Variants in ZIC3 observed in about 807,000 individuals in gnomAD.
ZIC3 encodes the protein Zic family zinc finger 3.
Under a neutral mutation model 18.3 loss-of-function variants are expected in ZIC3, and 6 were observed. The observed-to-expected ratio is 0.33, with a 90% CI of 0.18 to 0.65. The LOEUF (loss-of-function observed/expected upper bound fraction) is 0.65, where lower values mean the gene tolerates loss of function less well. ZIC3 is among the 30% of genes least tolerant of loss of function. The pLI is 0.75. For synonymous variants in ZIC3, 175 were observed against 177.0 expected (o/e 0.99, Z 0.09); for missense variants, 260 against 410.0 (o/e 0.63, Z 3.16).
Position 137,567,108 on chromosome X carries a change from C to A in ZIC3, c.417C>A (p.Leu139=), listed in dbSNP as rs1931358270. Reference sequence around the variant, plus strand: ...CCTCGGGTGGCGGGCAGCACGGGCTCTTCGCCGGCTCGGCGAGCAGCCTGC... The same window carrying A: ...CCTCGGGTGGCGGGCAGCACGGGCTATTCGCCGGCTCGGCGAGCAGCCTGC... ...EAASGGGQHG[L]FAGSASSLHA... Residue 139 remains leucine (L), a synonymous_variant, in exon 1 of 3, where the codon CTC becomes CTA. Transcript: ENST00000287538. The A allele has an allele frequency of 8.3e-7, 1 of 1,202,874 alleles. No individual in the cohort carries two copies. Among genetic ancestry groups the A allele is most frequent in the African/African-American group, 1.7e-5 (1 of 57,502 alleles).
chrX:137,566,474 A>ACCCCCCCC lies in ZIC3; in HGVS notation c.-213_-212insCCCCCCCC. 1 of 78,974 alleles carries ACCCCCCCC rather than the reference A, an allele frequency of 1.3e-5. No homozygotes were observed. The highest frequency in any genetic ancestry group is 8.0e-5 in the African/African-American group (1 of 12,506). The allele number at this position is 78,974 out of a possible 1,213,427, so 6.5% of individuals were successfully genotyped here. ...CCTCCCTCCTCCTCCCCCCGCCAAC[A>ACCCCCCCC]CCCCCTCCCTGCTCTTTCTTCCCCT... On this transcript the variant is annotated 5_prime_UTR_variant, in exon 1 of 3. Coordinates refer to ENST00000287538, the MANE Select transcript of ZIC3 (RefSeq NM_003413.4).
At position 137,566,405 on chromosome X, in the gene ZIC3, G is replaced by C; in HGVS notation, c.-287G>C. ...TATTTTTCTTTGTGCGCGCCTGTTA[G>C]TTTGTTAAACCAGATCTAGTCCGAG... On this transcript the variant is annotated 5_prime_UTR_variant, in exon 1 of 3. Transcript: ENST00000287538. 2.4e-6 allele frequency: 1 copy of C among 412,471 alleles called. No individual in the cohort carries two copies. Among genetic ancestry groups the C allele is most frequent in the East Asian group, 4.0e-5 (1 of 25,183 alleles). The allele number at this position is 412,471 out of a possible 1,213,427, so 34.0% of individuals were successfully genotyped here.
At position 137,569,006 on chromosome X, in the gene ZIC3, A is replaced by G. The variant is rs1931398086; in HGVS notation, c.1165A>G (p.Ile389Val). ...MHVHTSDKPYICKVCDKSYTH... is the reference protein window; with the variant it reads ...MHVHTSDKPYVCKVCDKSYTH... ...TGTGCATACCTCGGACAAGCCCTAT[A>G]TCTGCAAAGTGTGCGACAAGTCCTA... Residue 389 changes from isoleucine (I) to valine (V), a missense_variant, in exon 2 of 3, where the codon ATC (isoleucine) becomes GTC (valine). Around this residue, in one of 4 missense-constraint regions of ZIC3, gnomAD observed 52 missense variants for 111.5 expected, o/e 0.47. Coordinates refer to ENST00000287538, the MANE Select transcript of ZIC3 (RefSeq NM_003413.4). 2 of 1,208,890 alleles carry G rather than the reference A, an allele frequency of 1.7e-6. No homozygotes were observed. Among genetic ancestry groups the G allele is most frequent in the East Asian group, 3.0e-5 (1 of 33,683 alleles).
downstream of ZIC3, among the ~76,000 whole-genome samples, chrX:137,572,839 TACAGG>T (rs1008763793): frequency 9.0e-6 from 1 of 111,574 alleles, no homozygotes. Context: ...CATAAAATTT[TACAGG>T]AAAGTACTTG....
chrX:137,572,775 C>G (rs1278954423), downstream of ZIC3, among the ~76,000 whole-genome samples: 2 of 110,573 alleles, frequency 1.8e-5, no homozygotes, highest in African/African-American at 6.6e-5. Context: ...TATTAAATAT[C>G]TCCTGAGACA....
At position 137,570,878 on chromosome X, in the gene ZIC3, CCTT is replaced by C. The variant is rs1238174392; in HGVS notation, c.*814_*816del. 1.8e-5 allele frequency: 2 copies of C among 112,767 alleles called. No homozygotes were observed. The highest frequency in any genetic ancestry group is 3.8e-5 in the Non-Finnish European group (2 of 53,288). 9.3% of individuals were successfully genotyped at this position (112,767 alleles called of 1,213,427 possible). A position where few individuals can be genotyped will look rare whatever the true frequency, so the allele number is the denominator to read the frequency against. ...ACTCCTTTCTCTTGTTTTGTAACAGCCTTCTTCTACAAAGAGGAGATGTGAGCA... is the reference window on the plus strand; with the variant it reads ...ACTCCTTTCTCTTGTTTTGTAACAGCCTTCTACAAAGAGGAGATGTGAGCA... On this transcript the variant is annotated 3_prime_UTR_variant, in exon 3 of 3. Transcript: ENST00000287538.
chrX:137,567,839 C>T (rs1931374114), intron 1 of ZIC3, 88 bp downstream of exon 1: 4 of 1,200,046 alleles, frequency 3.3e-6, no homozygotes. Context: ...GAGGTGGCGG[C>T]CAGGGAAAGG....
At chrX:137,575,431 G>A (rs141565185), downstream of ZIC3, among the ~76,000 whole-genome samples, 54 of 111,703 alleles carry the variant, frequency 4.8e-4, no homozygotes, top group East Asian at 0.015. Context: ...CTGCCTTAAT[G>A]CTGGCGTTGA....
chrX:137,570,230 A>G lies in ZIC3; in HGVS notation c.*160A>G. The G allele has an allele frequency of 1.6e-6, 1 of 622,083 alleles. No individual in the cohort carries two copies. The allele number at this position is 622,083 out of a possible 1,213,427, so 51.3% of individuals were successfully genotyped here. A position where few individuals can be genotyped will look rare whatever the true frequency, so the allele number is the denominator to read the frequency against. ...CCAGGAAGGTTTTGGGCAAGATCCAAAAGTAGCCATGCCCTTTTCTCAGGA... is the reference window on the plus strand; with the variant it reads ...CCAGGAAGGTTTTGGGCAAGATCCAGAAGTAGCCATGCCCTTTTCTCAGGA... On this transcript the variant is annotated 3_prime_UTR_variant, in exon 3 of 3. Coordinates refer to ENST00000287538, the MANE Select transcript of ZIC3 (RefSeq NM_003413.4).
chrX:137,570,331 C>T lies in ZIC3; in HGVS notation c.*261C>T, dbSNP rs1230032055. On this transcript the variant is annotated 3_prime_UTR_variant, in exon 3 of 3. Coordinates refer to ENST00000287538, the MANE Select transcript of ZIC3 (RefSeq NM_003413.4). ...ACTTTTTCTTCCCCTTCCTCTTGCT[C>T]TCTGCACACCCCATTCTTAAACTCC... 4 of 371,965 alleles carry T rather than the reference C, an allele frequency of 1.1e-5. No individual in the cohort carries two copies. The highest frequency in any genetic ancestry group is 1.9e-5 in the Non-Finnish European group (4 of 212,586). The allele number at this position is 371,965 out of a possible 1,213,427, so 30.7% of individuals were successfully genotyped here.
chrX:137,566,569 G>T lies in ZIC3; in HGVS notation c.-123G>T. 1 of 1,123,582 alleles carries T rather than the reference G, an allele frequency of 8.9e-7. No homozygotes were observed. Among genetic ancestry groups the T allele is most frequent in the Non-Finnish European group, 1.2e-6 (1 of 848,768 alleles). The allele number at this position is 1,123,582 out of a possible 1,213,427, so 92.6% of individuals were successfully genotyped here. Reference sequence around the variant, plus strand: ...GTTGCAGCCCCTGGTAGCGCCTTGGGGGTCTCCCCGCAGTGTCCAACCGCC... The same window carrying T: ...GTTGCAGCCCCTGGTAGCGCCTTGGTGGTCTCCCCGCAGTGTCCAACCGCC... On this transcript the variant is annotated 5_prime_UTR_variant, in exon 1 of 3. Coordinates refer to ENST00000287538, the MANE Select transcript of ZIC3 (RefSeq NM_003413.4).
Position 137,571,927 on chromosome X carries a change from TGTAAA to T in ZIC3, c.*1861_*1865del, listed in dbSNP as rs1931445480. Among the ~76,000 whole-genome samples the T allele has an allele frequency of 8.9e-6, 1 of 112,078 alleles. No homozygotes were observed. The highest frequency in any genetic ancestry group is 3.2e-5 in the African/African-American group (1 of 30,863). ...TAACAGAAAGGTGGACATAAGGAAT[TGTAAA>T]GTATTTAGAATGTATTGAATAGGCT... On this transcript the variant is annotated 3_prime_UTR_variant, in exon 3 of 3. Coordinates refer to ENST00000287538, the MANE Select transcript of ZIC3 (RefSeq NM_003413.4).
rs939481931 is a variant in ZIC3, at chrX:137,567,358, A to G, written c.667A>G (p.Asn223Asp). ...GAQFPNYSPM[N>D]MNMGVNVAAH... ...TCAGTTTCCTAACTACAGCCCCATG[A>G]ACATGAACATGGGAGTGAACGTGGC... Residue 223 changes from asparagine (N) to aspartate (D), a missense_variant, in exon 1 of 3, where the codon AAC becomes GAC. Asn to Asp is a conservative substitution (Grantham distance 23). Transcript: ENST00000287538. 7 of 1,209,922 alleles carry G rather than the reference A, an allele frequency of 5.8e-6. No individual in the cohort carries two copies. The highest frequency in any genetic ancestry group is 7.8e-6 in the Non-Finnish European group (7 of 895,243).
Position 137,570,412 on chromosome X carries a change from T to G in ZIC3, c.*342T>G, listed in dbSNP as rs1053747002. On this transcript the variant is annotated 3_prime_UTR_variant, in exon 3 of 3. Coordinates refer to ENST00000287538, the MANE Select transcript of ZIC3 (RefSeq NM_003413.4). ...TTGAGAGGAAGTTATAGAAGGCTTG[T>G]TGGTGGTGGTGATGTTAAACTGATG... 18 of 266,624 alleles carry G rather than the reference T, an allele frequency of 6.8e-5. No homozygotes were observed. Among genetic ancestry groups the G allele is most frequent in the East Asian group, 5.3e-4 (6 of 11,424 alleles). 22.0% of individuals were successfully genotyped at this position (266,624 alleles called of 1,213,427 possible). A position where few individuals can be genotyped will look rare whatever the true frequency, so the allele number is the denominator to read the frequency against.
chrX:137,570,545 T>C lies in ZIC3; in HGVS notation c.*475T>C, dbSNP rs1233539681. 1 of 135,008 alleles carries C rather than the reference T, an allele frequency of 7.4e-6. No homozygotes were observed. Among genetic ancestry groups the C allele is most frequent in the African/African-American group, 3.2e-5 (1 of 31,681 alleles). The allele number at this position is 135,008 out of a possible 1,213,427, so 11.1% of individuals were successfully genotyped here. On this transcript the variant is annotated 3_prime_UTR_variant, in exon 3 of 3. Transcript: ENST00000287538. The stretch of plus-strand genomic sequence containing the variant: ...TTCCTCAAAGCATTACACTTGTGAA[T>C]GTATTTTTGTCTAATAGGGTCGAAA...
At chrX:137,576,183 A>G (rs1202772060), downstream of ZIC3, among the ~76,000 whole-genome samples, 8 of 106,394 alleles carry the variant, frequency 7.5e-5, no homozygotes, top group African/African-American at 2.8e-4. Context: ...TGCTTGCTGT[A>G]TACTCTATTT....
In ZIC3 at chrX:137,566,662, C is replaced by T; in HGVS notation, c.-30C>T. 3 of 1,195,010 alleles carry T rather than the reference C, an allele frequency of 2.5e-6. No homozygotes were observed. The highest frequency in any genetic ancestry group is 3.4e-6 in the Non-Finnish European group (3 of 889,065). On this transcript the variant is annotated 5_prime_UTR_variant, in exon 1 of 3. Coordinates refer to ENST00000287538, the MANE Select transcript of ZIC3 (RefSeq NM_003413.4). ...CGCCGGTACCCTCTCTCACTTCGGC[C>T]GGATCGCCTGTGCCCAGAACGTCCC...
chrX:137,574,446 G>C (rs900667695), downstream of ZIC3, among the ~76,000 whole-genome samples: 165 of 113,467 alleles, frequency 1.5e-3, no homozygotes, highest in African/African-American at 5.0e-3. Context: ...GCCAGGGCCG[G>C]AGCGGGGACC....
rs1455521863 is a variant in ZIC3 at position 137,566,856 on chromosome X, C to G, written c.165C>G (p.Ala55=). The part of the protein sequence containing the change: ...HAAAAAAAAA[A]FKLSPAAAHD... The stretch of plus-strand genomic sequence containing the variant: ...CCGCCGCCGCCGCCGCCGCCGCTGC[C>G]TTCAAGCTGAGCCCTGCCGCGGCGC... Residue 55 remains alanine (A), a synonymous_variant, in exon 1 of 3, where the codon GCC becomes GCG. Coordinates refer to ENST00000287538, the MANE Select transcript of ZIC3 (RefSeq NM_003413.4). The G allele has an allele frequency of 8.6e-7, 1 of 1,163,867 alleles. No homozygotes were observed. The highest frequency in any genetic ancestry group is 1.1e-6 in the Non-Finnish European group (1 of 872,742).
Sources: gnomAD v4.1 joint callset for allele counts (sites outside exome capture counted in the v4.1 genomes callset) on GRCh38, gnomAD v4.1.1 for gene constraint, gnomAD v4.1.1 regional missense constraint, MANE v1.5 for transcripts, NCBI Gene and HGNC (gene_info 2026-07-23, HGNC 2026-07-21) for gene names.